The following SPOCD1 variants were observed in gnomAD, a reference collection of about 807,000 sequenced individuals.
SPOCD1 encodes the protein SPOC domain-containing protein 1.
A neutral mutation model predicts 92.2 loss-of-function variants in SPOCD1; 64 were observed. The ratio of observed to expected loss-of-function variants is 0.69; its 90% CI spans 0.57 to 0.86. SPOCD1 has a LOEUF of 0.86. SPOCD1 is among the 40% of genes least tolerant of loss of function. The pLI, the probability that SPOCD1 is intolerant of heterozygous loss-of-function variation, is 0.00. For synonymous variants in SPOCD1, 578 were observed against 619.3 expected, an observed-to-expected ratio of 0.93 and a Z score of 0.99; for missense variants, 1,360 against 1,543.1, an observed-to-expected ratio of 0.88 and a Z score of 1.99.
Position 31,815,271 on chromosome 1 carries a change from G to A in SPOCD1, c.63C>T (p.His21=). ...CCATGTTCTGTAAAAGCTCACAGTT[G>A]TGTTGGGGACTGAGCACAGGGTCTC... ...STGDPVLSPQ[H]NCELLQNMEG... Residue 21 remains histidine, a synonymous_variant, in exon 2 of 16, where the codon CAC becomes CAT. Coordinates refer to ENST00000360482, the MANE Select transcript of SPOCD1 (RefSeq NM_144569.7). The A allele has an allele frequency of 6.3e-7, 1 of 1,598,474 alleles. No individual in the cohort carries two copies. The highest frequency in any genetic ancestry group is 1.1e-5 in the South Asian group (1 of 90,638).
Position 31,814,381 on chromosome 1 carries a change from G to A in SPOCD1, c.953C>T (p.Ala318Val). ...VPSGGESLSS[A>V]AQAPPQSAAL... ...TGCGCTCTGTGGAGGAGCCTGTGCA[G>A]CTGAACTGAGGGACTCCCCTCCACT... Residue 318 changes from alanine (A) to valine (V), a missense_variant, in exon 2 of 16, where the codon GCT becomes GTT. By Grantham distance (64) the Ala-to-Val change is moderately conservative. Around this residue, in one of 3 missense-constraint regions of SPOCD1, gnomAD observed 606 missense variants for 601.5 expected, o/e 1.01. Transcript: ENST00000360482. The surrounding 1 kb of genome is among the most constrained non-coding windows in gnomAD (Gnocchi z 4.2). The A allele has an allele frequency of 6.2e-7, 1 of 1,607,460 alleles. No individual in the cohort carries two copies. The highest frequency in any genetic ancestry group is 8.5e-7 in the Non-Finnish European group (1 of 1,176,706).
At chr1:31,799,926 A>G (rs372545129) in intron 5 of SPOCD1, 63 bp from the exon 6 acceptor site, 205 of 1,613,426 alleles carry the variant, frequency 1.3e-4, no homozygotes, top group Non-Finnish European at 1.7e-4. Context: ...CCCAGGGGAC[A>G]CTGCTTCCTC....
At chr1:31,807,097 T>A (rs1648869279) in intron 2 of SPOCD1, among the ~76,000 whole-genome samples, 1 of 150,536 alleles carries the variant, frequency 6.6e-6, no homozygotes, top group East Asian at 2.1e-4. Flanking sequence ...AATTAAGAAA[T>A]ACACTCTTAG....
intron 2 of SPOCD1, among the ~76,000 whole-genome samples, chr1:31,811,670 A>C (rs754531605): frequency 2.9e-4 from 44 of 152,200 alleles, no homozygotes; most frequent in Admixed American, 6.5e-4. Flanking sequence ...GCTCCAGACC[A>C]GCCGGGCACT....
intron 1 of SPOCD1, 47 bp downstream of exon 1, chr1:31,815,891 TCCCAAGCCTTACTGGGACAGTCC>T (rs1269620729): frequency 8.5e-6 from 1 of 118,194 alleles, no homozygotes; most frequent in African/African-American, 3.3e-5. Flanking sequence ...CCACCCAGGT[TCCCAAGCCTTACTGGGACAGTCC>T]CCCAGCATCC....
At position 31,814,763 on chromosome 1, in the gene SPOCD1, CA is replaced by C. The variant is rs760308083; in HGVS notation, c.570del (p.Gly191GlufsTer4). Reference sequence around the variant, plus strand: ...TCTGGTGAGGATGTCAGGGGCCTTCCAGGGGGCTCCTCTTTGCTGAGTGTGG... The same window carrying C: ...TCTGGTGAGGATGTCAGGGGCCTTCCGGGGGCTCCTCTTTGCTGAGTGTGG... ...RSPTLSKEEP[P>X]GRPLTSSPDP... On this transcript the variant is annotated frameshift_variant, in exon 2 of 16. Coordinates refer to ENST00000360482, the MANE Select transcript of SPOCD1 (RefSeq NM_144569.7). LOFTEE classifies it high-confidence loss of function. The surrounding 1 kb of genome is among the most constrained non-coding windows in gnomAD (Gnocchi z 4.2). 4.3e-6 allele frequency: 7 copies of C among 1,613,552 alleles called. No individual in the cohort carries two copies. Among genetic ancestry groups the C allele is most frequent in the Admixed American group, 3.3e-5 (2 of 59,924 alleles).
At chr1:31,796,333 C>T (rs1162237887) in intron 10 of SPOCD1, 3 of 569,564 alleles carry the variant, frequency 5.3e-6, no homozygotes, top group South Asian at 3.8e-5. Context: ...GGACTTAATA[C>T]CACTCATGTG....
At chr1:31,800,328 CTGAA>C (rs951535456) in intron 4 of SPOCD1, 109 bp downstream of exon 4, 1 of 1,435,068 alleles carries the variant, frequency 7.0e-7, no homozygotes, top group African/African-American at 1.4e-5. Flanking sequence ...TCTGGCTATT[CTGAA>C]TGACCGCGAG....
intron 2 of SPOCD1, among the ~76,000 whole-genome samples, chr1:31,808,386 G>A (rs1299807036): frequency 6.7e-6 from 1 of 149,948 alleles, no homozygotes; most frequent in Non-Finnish European, 1.5e-5. Flanking sequence ...TAAATTCGAA[G>A]ATAAAAATCA....
chr1:31,812,434 G>T (rs555739559), intron 2 of SPOCD1, among the ~76,000 whole-genome samples: 20 of 152,288 alleles, frequency 1.3e-4, no homozygotes, highest in African/African-American at 4.6e-4. Flanking sequence ...AGAACAAGGT[G>T]AACCCACTGG....
rs552306305 is a variant in SPOCD1, at chr1:31,794,191, G to A, written c.2316C>T (p.Ile772=). ...FMDCSPQALP[I]ASEDTTGQHD... is the part of the protein sequence containing the mutation. ...GCTGCCCCGTGGTGTCCTCTGATGC[G>A]ATGGGCAGGGCCTGTGGGCTGCAGT... The change falls in exon 11 of 16, where the codon ATC becomes ATT. Residue 772 remains isoleucine, a synonymous_variant. Transcript: ENST00000360482. The A allele has an allele frequency of 4.3e-4, 696 of 1,614,010 alleles. 7 individuals carry two copies. The South Asian group carries it at 6.4e-3, about 15-fold the overall frequency.
At chr1:31,795,030 T>C (rs1284835103) in intron 10 of SPOCD1, 3 of 152,218 alleles carry the variant, frequency 2.0e-5, no homozygotes, top group African/African-American at 7.2e-5. Flanking sequence ...GTTTTCACTA[T>C]TACTAAATAG....
chr1:31,794,276 TGG>T, intron 10 of SPOCD1, 41 bp from the exon 11 acceptor site: 1 of 1,542,574 alleles, frequency 6.5e-7, no homozygotes, highest in Non-Finnish European at 8.9e-7. Context: ...AAAACGTGGC[TGG>T]GGGTGCCCGG....
At chr1:31,792,169 A>G (rs368675248) in intron 15 of SPOCD1, 46 bp downstream of exon 15, 345 of 1,556,186 alleles carry the variant, frequency 2.2e-4, no homozygotes, top group Non-Finnish European at 3.0e-4. Context: ...TGGTCTGGTC[A>G]CCAAGTGAGC....
At chr1:31,792,066 A>C in intron 15 of SPOCD1, 149 bp downstream of exon 15, 1 of 795,460 alleles carries the variant, frequency 1.3e-6, no homozygotes, top group Non-Finnish European at 2.0e-6. Flanking sequence ...AGCGTGAGCT[A>C]TTACTGTCAT....
At chr1:31,809,001 C>CA (rs1179362666) in intron 2 of SPOCD1, among the ~76,000 whole-genome samples, 1 of 152,070 alleles carries the variant, frequency 6.6e-6, no homozygotes, top group African/African-American at 2.4e-5. Context: ...CCAGCCTGAC[C>CA]AATATGGTGA....
intron 2 of SPOCD1, among the ~76,000 whole-genome samples, chr1:31,806,189 GATAA>G (rs1033574942): frequency 6.0e-4 from 90 of 150,756 alleles, no homozygotes; most frequent in South Asian, 3.1e-3. Flanking sequence ...TCTAACTATT[GATAA>G]ATAAAGCTGA....
intron 2 of SPOCD1, among the ~76,000 whole-genome samples, chr1:31,810,345 T>A (rs1649116158): frequency 7.0e-6 from 1 of 143,134 alleles, no homozygotes; most frequent in South Asian, 2.3e-4. Flanking sequence ...ATGGGGATAT[T>A]AGTGTTGAAT....
At chr1:31,800,389 G>C in intron 4 of SPOCD1, 52 bp downstream of exon 4, 2 of 1,493,244 alleles carry the variant, frequency 1.3e-6, no homozygotes, top group Non-Finnish European at 1.8e-6. Context: ...CTGTGAATCA[G>C]GTGTGAAGGT....
Sources: gnomAD v4.1 joint callset for allele counts (sites outside exome capture counted in the v4.1 genomes callset) on GRCh38, gnomAD v4.1.1 for gene constraint, gnomAD v4.1.1 regional missense constraint, Gnocchi (gnomAD v3.1) non-coding constraint, MANE v1.5 for transcripts, NCBI Gene and HGNC (gene_info 2026-07-23, HGNC 2026-07-21) for gene names.